Variants in STK4 observed in about 807,000 individuals in gnomAD.
STK4 encodes serine/threonine-protein kinase 4.
Under a neutral mutation model 64.9 loss-of-function variants are expected in STK4, and 30 were observed. That is an observed-to-expected ratio of 0.46 (90% CI 0.35 to 0.63). The LOEUF (loss-of-function observed/expected upper bound fraction) is 0.63, where lower values mean the gene tolerates loss of function less well. STK4 is among the 20% of genes least tolerant of loss of function. The probability of loss-of-function intolerance (pLI) is 0.01; values close to 1 mark genes in which losing one functional copy is unlikely to be tolerated. For missense variants in STK4, 466 were observed against 598.5 expected (o/e 0.78, Z 2.31); for synonymous variants, 177 against 199.0 (o/e 0.89, Z 0.93).
At chr20:44,972,310 C>T in intron 2 of STK4, 152 bp downstream of exon 2, 2 of 662,730 alleles carry the variant, frequency 3.0e-6, no homozygotes, top group African/African-American at 1.8e-5. Context: ...TTACTCCAAT[C>T]CCTATTATAG....
At chr20:44,991,809 C>G (rs2067639718) in intron 5 of STK4, among the ~76,000 whole-genome samples, 1 of 151,972 alleles carries the variant, frequency 6.6e-6, no homozygotes, top group African/African-American at 2.4e-5. Context: ...ACTACAGACG[C>G]ACACCACCAC....
At chr20:45,061,845 TTTTTC>T (rs1164100985) in intron 10 of STK4, among the ~76,000 whole-genome samples, 17 of 151,198 alleles carry the variant, frequency 1.1e-4, no homozygotes, top group Non-Finnish European at 2.4e-4. Context: ...GCAGTATTTG[TTTTTC>T]TTTTCTTTTC....
intron 10 of STK4, among the ~76,000 whole-genome samples, chr20:45,033,568 T>A (rs964460759): frequency 6.6e-5 from 10 of 151,614 alleles, no homozygotes; most frequent in African/African-American, 1.5e-4. Context: ...AACTTTGAGT[T>A]ACTATGTTTT....
intron 5 of STK4, among the ~76,000 whole-genome samples, chr20:44,990,531 C>T (rs950653998): frequency 9.2e-5 from 14 of 152,084 alleles, no homozygotes; most frequent in Non-Finnish European, 1.9e-4. Context: ...GTGAAACCTC[C>T]AGTACTACTA....
intron 9 of STK4, among the ~76,000 whole-genome samples, chr20:45,023,835 TG>T (rs1462908738): frequency 6.6e-6 from 1 of 151,706 alleles, no homozygotes; most frequent in Non-Finnish European, 1.5e-5. Context: ...ATGCAAGAAC[TG>T]GGCACATATA....
chr20:45,013,258 A>G (rs2068086413), intron 9 of STK4, among the ~76,000 whole-genome samples: 1 of 152,020 alleles, frequency 6.6e-6, no homozygotes, highest in South Asian at 2.1e-4. Context: ...TAACAGGCTA[A>G]ATAAGTTTTG....
intron 10 of STK4, among the ~76,000 whole-genome samples, chr20:45,047,430 T>C (rs2068713665): frequency 6.6e-6 from 1 of 152,232 alleles, no homozygotes; most frequent in Admixed American, 6.5e-5. Context: ...CTGCATCTTT[T>C]CTTTCTCTAA....
rs1334486146 is a variant in STK4, at chr20:45,076,436, C to T, written c.*1260C>T. On this transcript the variant is annotated 3_prime_UTR_variant, in exon 11 of 11. Coordinates refer to ENST00000372806, the MANE Select transcript of STK4 (RefSeq NM_006282.5). The surrounding 1 kb of genome is among the most constrained non-coding windows in gnomAD (Gnocchi z 4.0). ...AGGCCACCGAACCATGCAGCCCCTT[C>T]TTTGGGGGAAGAGACCTGTGTCAGT... 6.6e-6 allele frequency: 1 copy of T among 152,214 alleles called. No homozygotes were observed. The highest frequency in any genetic ancestry group is 1.5e-5 in the Non-Finnish European group (1 of 68,042). 9.4% of individuals were successfully genotyped at this position (152,214 alleles called of 1,614,324 possible).
chr20:44,978,304 G>T, intron 2 of STK4, 139 bp from the exon 3 acceptor site: 10 of 1,021,278 alleles, frequency 9.8e-6, no homozygotes, highest in Non-Finnish European at 1.2e-5. Context: ...AAGTATTTTA[G>T]CTATCTTAGT....
chr20:45,047,499 T>G (rs562160277), intron 10 of STK4, among the ~76,000 whole-genome samples: 5 of 152,320 alleles, frequency 3.3e-5, no homozygotes, highest in Non-Finnish European at 7.4e-5. Context: ...TGTTATTTGA[T>G]TATGTTATTT....
chr20:44,980,794 G>T lies in STK4; in HGVS notation c.246-1035G>T, dbSNP rs373006484. Among the ~76,000 whole-genome samples the T allele has an allele frequency of 1.4e-4, 21 of 151,980 alleles. No homozygotes were observed. The East Asian group carries it at 2.1e-3, about 16-fold the overall frequency. ...TGCCATTCTCCTGCCTCAGCCTCCT[G>T]AGTAGTTGGGACTACAGGGCCTGCC... is the stretch of plus-strand genomic sequence containing the variant. On this transcript the variant is annotated intron_variant, in intron 3 of 10. Coordinates refer to ENST00000372806, the MANE Select transcript of STK4 (RefSeq NM_006282.5).
chr20:45,000,671 T>G, intron 8 of STK4, 151 bp downstream of exon 8: 2 of 1,115,236 alleles, frequency 1.8e-6, no homozygotes, highest in Non-Finnish European at 1.3e-6. Context: ...CAACGCATGC[T>G]AGAGGGTTGT....
chr20:44,982,588 C>T (rs929188899), intron 4 of STK4, among the ~76,000 whole-genome samples: 9 of 152,108 alleles, frequency 5.9e-5, no homozygotes, highest in African/African-American at 1.7e-4. Flanking sequence ...TTCTACCTAG[C>T]GTGTTCACAA....
chr20:45,009,089 C>T (rs975873272), intron 9 of STK4, among the ~76,000 whole-genome samples: 4 of 152,102 alleles, frequency 2.6e-5, no homozygotes, highest in Admixed American at 2.0e-4. Context: ...CTTTTGAGGA[C>T]TTGGCCAAAA....
intron 4 of STK4, among the ~76,000 whole-genome samples, chr20:44,984,582 G>C (rs186534463): frequency 6.6e-6 from 1 of 151,922 alleles, no homozygotes; most frequent in African/African-American, 2.4e-5. Flanking sequence ...TCCACTAGCC[G>C]CATGTGGTTA....
intron 9 of STK4, among the ~76,000 whole-genome samples, chr20:45,018,933 T>C (rs1413228505): frequency 3.9e-5 from 6 of 152,160 alleles, no homozygotes; most frequent in African/African-American, 7.2e-5. Context: ...GGTCTCACTA[T>C]GTTGCTCAGG....
chr20:44,992,330 C>T (rs1157268018), intron 5 of STK4, among the ~76,000 whole-genome samples: 1 of 150,438 alleles, frequency 6.6e-6, no homozygotes, highest in Non-Finnish European at 1.5e-5. Context: ...ATGATCATGG[C>T]TCATTGTGGT....
intron 10 of STK4, among the ~76,000 whole-genome samples, chr20:45,050,095 G>T (rs1334858749): frequency 6.6e-6 from 1 of 152,170 alleles, no homozygotes; most frequent in Non-Finnish European, 1.5e-5. Flanking sequence ...TTCAGAGTAA[G>T]GGGATCTTCC....
chr20:45,009,346 A>G (rs143005770), intron 9 of STK4, among the ~76,000 whole-genome samples: 10 of 152,256 alleles, frequency 6.6e-5, no homozygotes, highest in African/African-American at 2.4e-4. Flanking sequence ...AGCTGGTTGT[A>G]GGTGTGCAGG....
Sources: allele counts gnomAD v4.1 joint callset (sites outside exome capture counted in the v4.1 genomes callset), GRCh38; gene constraint gnomAD v4.1.1; non-coding constraint Gnocchi (gnomAD v3.1); transcripts MANE v1.5; gene names NCBI Gene and HGNC (gene_info 2026-07-23, HGNC 2026-07-21).